The following KCNN2 variants were observed in gnomAD, a reference collection of about 807,000 sequenced individuals.
The protein encoded by KCNN2 is potassium calcium-activated channel subfamily N member 2.
Under a neutral mutation model 55.5 loss-of-function variants are expected in KCNN2, and 24 were observed. The observed-to-expected ratio is 0.43, with a 90% confidence interval of 0.31 to 0.61. The LOEUF is 0.61. KCNN2 is among the 20% of genes least tolerant of loss of function. The pLI, the probability that KCNN2 is intolerant of heterozygous loss-of-function variation, is 0.08. For missense variants in KCNN2, 754 were observed against 853.6 expected (o/e 0.88, Z 1.45); for synonymous variants, 431 against 336.1 (o/e 1.28, Z -3.09).
intron 2 of KCNN2, among the ~76,000 whole-genome samples, chr5:114,384,918 A>G (rs1758230099): frequency 6.6e-6 from 1 of 152,218 alleles, no homozygotes; most frequent in African/African-American, 2.4e-5. Flanking sequence ...GTCCTTAAGT[A>G]AAAAAGTTAT....
intron 1 of KCNN2, among the ~76,000 whole-genome samples, chr5:114,068,094 A>T (rs1031275644): frequency 2.0e-5 from 3 of 152,238 alleles, no homozygotes; most frequent in African/African-American, 7.2e-5. Context: ...ATTAATTACC[A>T]CAAGACTGGT....
chr5:114,334,017 T>C (rs1450146785), intron 2 of KCNN2, among the ~76,000 whole-genome samples: 1 of 152,190 alleles, frequency 6.6e-6, no homozygotes, highest in African/African-American at 2.4e-5. Context: ...GCAATCAAGA[T>C]TTCTTCACAT....
At chr5:114,292,698 G>C (rs902605098) in intron 2 of KCNN2, among the ~76,000 whole-genome samples, 1 of 151,922 alleles carries the variant, frequency 6.6e-6, no homozygotes, top group Non-Finnish European at 1.5e-5. Context: ...TCCATATGAA[G>C]TTTAAAGTAG....
At chr5:114,194,258 C>T (rs1186405132) in intron 1 of KCNN2, among the ~76,000 whole-genome samples, 2 of 151,898 alleles carry the variant, frequency 1.3e-5, no homozygotes, top group East Asian at 1.9e-4. Context: ...TTTGTTTAAT[C>T]GTTTGAAGAA....
At chr5:114,104,978 A>G (rs532218797) in intron 1 of KCNN2, among the ~76,000 whole-genome samples, 211 of 152,176 alleles carry the variant, frequency 1.4e-3, no homozygotes, top group Non-Finnish European at 2.0e-3. Flanking sequence ...AGGTTAAGTG[A>G]CTTTCCCAGT....
chr5:114,104,617 C>G (rs1045179309), intron 1 of KCNN2, among the ~76,000 whole-genome samples: 2 of 151,924 alleles, frequency 1.3e-5, no homozygotes, highest in African/African-American at 2.4e-5. Context: ...AAGTTCTAGA[C>G]CTATGGAAAC....
At chr5:114,442,409 A>G (rs1760252160) in intron 3 of KCNN2, among the ~76,000 whole-genome samples, 2 of 152,130 alleles carry the variant, frequency 1.3e-5, no homozygotes, top group Non-Finnish European at 2.9e-5. Context: ...AATGGAGTTG[A>G]TGCAGAAAGT....
At chr5:114,262,239 A>T (rs1755123502) in intron 2 of KCNN2, among the ~76,000 whole-genome samples, 2 of 152,218 alleles carry the variant, frequency 1.3e-5, no homozygotes, top group Admixed American at 6.5e-5. Context: ...TCAAGAAAGC[A>T]GTCTTCTTCC....
In KCNN2 at chr5:114,186,609, G is replaced by A. The variant is rs532203087; in HGVS notation, c.-270-34871G>A. 3.3e-4 allele frequency among the ~76,000 whole-genome samples: 50 copies of A among 152,226 alleles called. 3 individuals carry two copies. The South Asian group carries it at 1.0e-2, about 30-fold the overall frequency. On this transcript the variant is annotated intron_variant, in intron 1 of 10. Coordinates refer to the KCNN2 transcript ENST00000512097. ...ATGTGCTGAAGTTAGGAGTTTATAA[G>A]GATAATCATATTGGTCTTAACTGTT...
At chr5:114,161,175 C>G (rs550803149) in intron 1 of KCNN2, among the ~76,000 whole-genome samples, 2 of 152,162 alleles carry the variant, frequency 1.3e-5, no homozygotes, top group Non-Finnish European at 2.9e-5. Flanking sequence ...GCGCTTCCTT[C>G]AGGAGCTCTT....
At chr5:114,133,430 T>C (rs2112614834) in intron 1 of KCNN2, among the ~76,000 whole-genome samples, 1 of 152,338 alleles carries the variant, frequency 6.6e-6, no homozygotes, top group African/African-American at 2.4e-5. Flanking sequence ...GTATAATTGC[T>C]GATGTTCCTT....
At chr5:114,299,173 G>A (rs967330771) in intron 2 of KCNN2, among the ~76,000 whole-genome samples, 5 of 141,026 alleles carry the variant, frequency 3.5e-5, no homozygotes, top group African/African-American at 1.3e-4. Flanking sequence ...CTCTGCATCT[G>A]TAAGGTTGGT....
chr5:114,153,560 C>G (rs755995993), intron 1 of KCNN2, among the ~76,000 whole-genome samples: 1 of 152,188 alleles, frequency 6.6e-6, no homozygotes, highest in Non-Finnish European at 1.5e-5. Flanking sequence ...GTCTGTTTCC[C>G]AAACCCTAAT....
chr5:114,381,432 G>T (rs1758122544), intron 2 of KCNN2, among the ~76,000 whole-genome samples: 1 of 152,200 alleles, frequency 6.6e-6, no homozygotes, highest in South Asian at 2.1e-4. Flanking sequence ...TCTAGATGCA[G>T]TGGTGCTATG....
intron 3 of KCNN2, among the ~76,000 whole-genome samples, chr5:114,456,316 GC>G (rs567282363): frequency 7.2e-4 from 110 of 152,272 alleles, no homozygotes; most frequent in African/African-American, 2.5e-3. Context: ...GAACAACAAA[GC>G]CTGGATGACA....
chr5:114,269,819 T>C (rs912318699), intron 2 of KCNN2, among the ~76,000 whole-genome samples: 66 of 152,330 alleles, frequency 4.3e-4, no homozygotes, highest in Middle Eastern at 3.4e-3. Context: ...AAAATAGTAG[T>C]TCTAAATATT....
chr5:114,320,380 G>C (rs993768230), intron 2 of KCNN2, among the ~76,000 whole-genome samples: 1 of 152,096 alleles, frequency 6.6e-6, no homozygotes, highest in African/African-American at 2.4e-5. Flanking sequence ...TTGGGAGGCT[G>C]AGGCGGGCGG....
At chr5:114,476,435 ATTT>A (rs140291470) in intron 5 of KCNN2, among the ~76,000 whole-genome samples, 2 of 140,050 alleles carry the variant, frequency 1.4e-5, no homozygotes, top group Non-Finnish European at 3.1e-5. Context: ...TGACAGATCC[ATTT>A]TTTTTTTTTT....
intron 1 of KCNN2, among the ~76,000 whole-genome samples, chr5:114,181,921 G>A (rs1753248314): frequency 6.6e-6 from 1 of 152,160 alleles, no homozygotes; most frequent in South Asian, 2.1e-4. Context: ...GGCCAAGGCA[G>A]GAGGGTCACT....
Sources: gnomAD v4.1 joint callset for allele counts (sites outside exome capture counted in the v4.1 genomes callset) on GRCh38, gnomAD v4.1.1 for gene constraint, MANE v1.5 for transcripts, NCBI Gene and HGNC (gene_info 2026-07-23, HGNC 2026-07-21) for gene names.